The following SYT14 variants were observed in gnomAD, a reference collection of about 807,000 sequenced individuals.
SYT14 encodes synaptotagmin-14.
SYT14 carries 32 observed loss-of-function variants against 74.2 expected under a neutral mutation model. The ratio of observed to expected loss-of-function variants is 0.43; its 90% confidence interval spans 0.33 to 0.58. The LOEUF is 0.58. SYT14 is among the 20% of genes least tolerant of loss of function. The pLI is 0.05. For missense variants in SYT14, 791 were observed against 981.8 expected (o/e 0.81, Z 2.60); for synonymous variants, 298 against 337.7 (o/e 0.88, Z 1.29).
intron 5 of SYT14, among the ~76,000 whole-genome samples, chr1:210,078,709 A>G (rs921444153): frequency 5.3e-5 from 8 of 151,666 alleles, no homozygotes; most frequent in African/African-American, 1.9e-4. Context: ...GTTAGAAAAA[A>G]TTTTCATTGA....
At chr1:209,956,645 C>A (rs949552021) in intron 2 of SYT14, among the ~76,000 whole-genome samples, 54 of 152,272 alleles carry the variant, frequency 3.5e-4, no homozygotes, top group African/African-American at 1.3e-3. Context: ...CCAAGAAGTA[C>A]AGCAACCTAT....
At chr1:210,053,067 A>G (rs912149133) in intron 5 of SYT14, among the ~76,000 whole-genome samples, 16 of 152,220 alleles carry the variant, frequency 1.1e-4, no homozygotes, top group African/African-American at 3.6e-4. Context: ...AAGAAGGGCA[A>G]ATTACACCAG....
At chr1:209,984,742 C>T (rs113219573) in intron 2 of SYT14, among the ~76,000 whole-genome samples, 8 of 152,166 alleles carry the variant, frequency 5.3e-5, no homozygotes, top group Admixed American at 2.0e-4. Flanking sequence ...CACGGTTCTG[C>T]AGGCTGTATA....
At chr1:210,006,632 A>G (rs1351633649) in intron 2 of SYT14, among the ~76,000 whole-genome samples, 2 of 151,954 alleles carry the variant, frequency 1.3e-5, no homozygotes, top group Non-Finnish European at 2.9e-5. Flanking sequence ...CAAATCAGCA[A>G]TACATCCCTT....
At chr1:209,969,158 TAGGTTG>T (rs1235243499) in intron 2 of SYT14, among the ~76,000 whole-genome samples, 2 of 152,192 alleles carry the variant, frequency 1.3e-5, no homozygotes, top group African/African-American at 4.8e-5. Flanking sequence ...GATGGGCACC[TAGGTTG>T]ATTCCATGTC....
Position 210,059,402 on chromosome 1 carries a change from C to T in SYT14, c.1313-34920C>T, listed in dbSNP as rs539807980. On this transcript the variant is annotated intron_variant, in intron 5 of 9. Transcript: ENST00000637265. ...TGAGTAAGATAAATTATATATATAC[C>T]TGTATATGCATGATGACAAGAAAGA... Among the ~76,000 whole-genome samples, 18 of 117,878 alleles carry T rather than the reference C, an allele frequency of 1.5e-4. No homozygotes were observed. The Admixed American group carries it at 1.6e-3, about 10-fold the overall frequency. The allele number at this position is 117,878 out of a possible 152,430, so 77.3% of individuals were successfully genotyped here. A position where few individuals can be genotyped will look rare whatever the true frequency, so the allele number is the denominator to read the frequency against.
chr1:210,030,672 A>G (rs1024294676), intron 5 of SYT14, among the ~76,000 whole-genome samples: 1 of 152,078 alleles, frequency 6.6e-6, no homozygotes, highest in Non-Finnish European at 1.5e-5. Context: ...TTGATCTTAG[A>G]GGATAAGGTT....
intron 2 of SYT14, among the ~76,000 whole-genome samples, chr1:209,998,731 C>G (rs1296249851): frequency 6.6e-6 from 1 of 152,050 alleles, no homozygotes; most frequent in Admixed American, 6.6e-5. Context: ...GTTGGGAAAT[C>G]TGGATATTCA....
chr1:210,161,666 A>G (rs1409661055), exon 10 of SYT14: 1 of 453,636 alleles, frequency 2.2e-6, no homozygotes, highest in South Asian at 1.6e-5. Context: ...TCATACAGGA[A>G]TTTTTTTAAT....
chr1:209,986,769 A>G (rs1024208700), intron 2 of SYT14, among the ~76,000 whole-genome samples: 4 of 152,030 alleles, frequency 2.6e-5, no homozygotes, highest in Admixed American at 1.3e-4. Flanking sequence ...AATTACAGGC[A>G]TGCGCCACCA....
chr1:209,961,233 G>A (rs554959003), intron 2 of SYT14, among the ~76,000 whole-genome samples: 1 of 152,164 alleles, frequency 6.6e-6, no homozygotes, highest in South Asian at 2.1e-4. Context: ...TGAAATGTAG[G>A]TGACAATTTT....
chr1:210,038,808 A>T (rs1280678328), intron 5 of SYT14, among the ~76,000 whole-genome samples: 1 of 152,002 alleles, frequency 6.6e-6, no homozygotes, highest in African/African-American at 2.4e-5. Context: ...GATTTCCTTT[A>T]TAGGTGTTTA....
rs764139035 is a variant in SYT14, at chr1:210,005,270, GA to G, written c.-485-8362del. On this transcript the variant is annotated intron_variant, in intron 2 of 9. Transcript: ENST00000637265. Reference sequence around the variant, plus strand: ...CAGGTGTCCTAATATTAAAATTTGAGAGGAAGATGGTGTCTCTCTGAGAGAT... The same window carrying G: ...CAGGTGTCCTAATATTAAAATTTGAGGGAAGATGGTGTCTCTCTGAGAGAT... Among the ~76,000 whole-genome samples, 160 of 152,072 alleles carry G rather than the reference GA, an allele frequency of 1.1e-3. 1 individual carries two copies. The highest frequency in any genetic ancestry group is 1.8e-3 in the Non-Finnish European group (124 of 67,846).
intron 8 of SYT14, among the ~76,000 whole-genome samples, chr1:210,157,609 G>A (rs920298922): frequency 1.3e-5 from 2 of 151,806 alleles, no homozygotes; most frequent in African/African-American, 2.4e-5. Flanking sequence ...GGGCATGGTG[G>A]CGCGTGCCTG....
intron 5 of SYT14, among the ~76,000 whole-genome samples, chr1:210,057,765 G>A (rs971837553): frequency 3.9e-5 from 6 of 152,014 alleles, no homozygotes; most frequent in African/African-American, 1.5e-4. Context: ...CATTCATCTT[G>A]ATATGGCCAC....
At chr1:209,986,624 A>G (rs1448699060) in intron 2 of SYT14, among the ~76,000 whole-genome samples, 1 of 152,012 alleles carries the variant, frequency 6.6e-6, no homozygotes, top group Non-Finnish European at 1.5e-5. Context: ...AAAAAAAAAA[A>G]AATTTCTTCC....
chr1:210,062,464 G>C (rs1204874866), intron 5 of SYT14, among the ~76,000 whole-genome samples: 1 of 151,808 alleles, frequency 6.6e-6, no homozygotes, highest in Non-Finnish European at 1.5e-5. Context: ...ATGTGCAAAT[G>C]AATAAGGATT....
chr1:210,146,590 C>A (rs1404512075), intron 7 of SYT14, among the ~76,000 whole-genome samples: 2 of 151,560 alleles, frequency 1.3e-5, no homozygotes, highest in African/African-American at 4.9e-5. Context: ...AGCAGTGACT[C>A]GGATATCTCA....
chr1:210,113,680 G>T (rs1430839119), intron 7 of SYT14, among the ~76,000 whole-genome samples: 1 of 150,954 alleles, frequency 6.6e-6, no homozygotes, highest in African/African-American at 2.5e-5. Context: ...AGATAGAAGG[G>T]GAGGATGTGA....
Sources: gnomAD v4.1 joint callset for allele counts (sites outside exome capture counted in the v4.1 genomes callset) on GRCh38, gnomAD v4.1.1 for gene constraint, MANE v1.5 for transcripts, NCBI Gene and HGNC (gene_info 2026-07-23, HGNC 2026-07-21) for gene names.